The following GOLM1 variants were observed in gnomAD, a reference collection of about 807,000 sequenced individuals.
GOLM1 encodes golgi membrane protein 1, also known as epididymis luminal protein 46.
Under a neutral mutation model 50.5 loss-of-function variants are expected in GOLM1, and 31 were observed. That is an observed-to-expected ratio of 0.61 (90% CI 0.46 to 0.83). The LOEUF is 0.83. Among genes scored for constraint, GOLM1 ranks in the 40% least tolerant of loss-of-function variants. The pLI, the probability that GOLM1 is intolerant of heterozygous loss-of-function variation, is 0.00. For missense variants in GOLM1, 491 were observed against 501.3 expected (o/e 0.98, Z 0.20); for synonymous variants, 178 against 192.8 (o/e 0.92, Z 0.64).
chr9:86,036,822 G>A (rs899075897), intron 6 of GOLM1: 14 of 335,358 alleles, frequency 4.2e-5, no homozygotes, highest in South Asian at 9.7e-5. Flanking sequence ...AGACATGAAC[G>A]ACACAATACT....
intron 3 of GOLM1, among the ~76,000 whole-genome samples, chr9:86,074,679 A>C (rs7855883): frequency 6.6e-6 from 1 of 151,958 alleles, no homozygotes; most frequent in Non-Finnish European, 1.5e-5. Context: ...TATGAGCCCC[A>C]ATCTCGTCAG....
intron 4 of GOLM1, among the ~76,000 whole-genome samples, chr9:86,051,788 G>A (rs1326091874): frequency 1.3e-5 from 2 of 151,970 alleles, no homozygotes; most frequent in African/African-American, 2.4e-5. Flanking sequence ...TGTGGGAAAC[G>A]TAGGGTTACA....
At chr9:86,036,231 C>T in intron 7 of GOLM1, 117 bp downstream of exon 7, 4 of 1,018,200 alleles carry the variant, frequency 3.9e-6, no homozygotes, top group Non-Finnish European at 6.2e-6. Context: ...AGACACGTCC[C>T]TGCTCCTGGC....
intron 9 of GOLM1, among the ~76,000 whole-genome samples, chr9:86,028,842 CTT>C (rs35054627): frequency 0.11 from 11,317 of 106,118 alleles, 266 homozygotes; most frequent in Non-Finnish European, 0.12. Flanking sequence ...GATAAGGGAA[CTT>C]TTTTTTTTTT....
At chr9:86,075,374 T>C (rs1160713594) in intron 3 of GOLM1, among the ~76,000 whole-genome samples, 1 of 152,184 alleles carries the variant, frequency 6.6e-6, no homozygotes, top group African/African-American at 2.4e-5. Flanking sequence ...TCGACTGCCG[T>C]TGGTACAATT....
intron 2 of GOLM1, chr9:86,077,863 C>A: frequency 4.7e-6 from 2 of 424,258 alleles, no homozygotes; most frequent in Non-Finnish European, 8.3e-6. Context: ...GTGCTAAGTG[C>A]ACAGAATGCC....
intron 1 of GOLM1, among the ~76,000 whole-genome samples, chr9:86,083,376 CCTAA>C (rs1387538855): frequency 2.0e-5 from 3 of 152,122 alleles, no homozygotes; most frequent in African/African-American, 4.8e-5. Flanking sequence ...CCACAGTAGG[CCTAA>C]CTAATTTTTG....
At chr9:86,053,119 A>G (rs1380765555) in intron 3 of GOLM1, among the ~76,000 whole-genome samples, 3 of 69,830 alleles carry the variant, frequency 4.3e-5, no homozygotes, top group Non-Finnish European at 8.4e-5. Flanking sequence ...CACACACACC[A>G]CACCACACAC....
At chr9:86,050,205 C>T (rs1013267546) in intron 4 of GOLM1, among the ~76,000 whole-genome samples, 2 of 152,078 alleles carry the variant, frequency 1.3e-5, no homozygotes, top group Non-Finnish European at 2.9e-5. Flanking sequence ...CTTGCATCCC[C>T]GGGATGAAGG....
At chr9:86,033,504 T>G in intron 8 of GOLM1, 109 bp from the exon 9 acceptor site, 1 of 687,238 alleles carries the variant, frequency 1.5e-6, no homozygotes, top group Non-Finnish European at 2.6e-6. Flanking sequence ...CAATCAGATC[T>G]GTCTGCTGCC....
At chr9:86,028,842 CTTTTT>C (rs35054627) in intron 9 of GOLM1, among the ~76,000 whole-genome samples, 7 of 106,818 alleles carry the variant, frequency 6.6e-5, no homozygotes, top group Non-Finnish European at 1.3e-4. Flanking sequence ...GATAAGGGAA[CTTTTT>C]TTTTTTTTTT....
intron 4 of GOLM1, among the ~76,000 whole-genome samples, chr9:86,051,569 A>C (rs1833753408): frequency 6.6e-6 from 1 of 152,144 alleles, no homozygotes; most frequent in South Asian, 2.1e-4. Context: ...TAAAAATGCA[A>C]ACTAGTCTAC....
intron 3 of GOLM1, among the ~76,000 whole-genome samples, chr9:86,052,804 C>T (rs1392857576): frequency 6.6e-6 from 1 of 152,056 alleles, no homozygotes; most frequent in Non-Finnish European, 1.5e-5. Context: ...CGCCTCTGGA[C>T]CCGAGCAAAA....
chr9:86,048,351 TACA>T (rs780781740), intron 4 of GOLM1, among the ~76,000 whole-genome samples: 2 of 152,208 alleles, frequency 1.3e-5, no homozygotes, highest in Non-Finnish European at 2.9e-5. Context: ...CATGTGTCTT[TACA>T]ATAGCATGAT....
chr9:86,046,434 C>A (rs1319730600), intron 5 of GOLM1, 36 bp downstream of exon 5: 1 of 1,256,474 alleles, frequency 8.0e-7, no homozygotes, highest in African/African-American at 1.5e-5. Context: ...GTGCCGTGCA[C>A]CCTGCACTGT....
intron 4 of GOLM1, among the ~76,000 whole-genome samples, chr9:86,049,572 G>A: frequency 6.6e-6 from 1 of 152,116 alleles, no homozygotes; most frequent in Non-Finnish European, 1.5e-5. Flanking sequence ...AGTTCTCCTT[G>A]AAGAGGTCCT....
chr9:86,045,971 G>A (rs928842555), intron 5 of GOLM1, among the ~76,000 whole-genome samples: 8 of 152,030 alleles, frequency 5.3e-5, no homozygotes, highest in Non-Finnish European at 1.5e-5. Context: ...ATCTTCCTGC[G>A]GGGCTTAGCT....
intron 1 of GOLM1, among the ~76,000 whole-genome samples, chr9:86,088,458 T>TA (rs1835059344): frequency 2.5e-4 from 24 of 96,046 alleles, no homozygotes; most frequent in Admixed American, 9.0e-4. Flanking sequence ...ATATATATAT[T>TA]TAGGATAGAT....
At chr9:86,091,281 T>C (rs1400646976) in intron 1 of GOLM1, among the ~76,000 whole-genome samples, 1 of 152,242 alleles carries the variant, frequency 6.6e-6, no homozygotes, top group Non-Finnish European at 1.5e-5. Flanking sequence ...ATTGTTGTTA[T>C]ATTTAGAAGG....
Sources: gnomAD v4.1 joint callset for allele counts (sites outside exome capture counted in the v4.1 genomes callset) on GRCh38, gnomAD v4.1.1 for gene constraint, MANE v1.5 for transcripts, NCBI Gene and HGNC (gene_info 2026-07-23, HGNC 2026-07-21) for gene names.